The following BCL6 variants were observed in gnomAD, a reference collection of about 807,000 sequenced individuals.
The protein encoded by BCL6 is B-cell lymphoma 6 protein.
BCL6 carries 7 observed loss-of-function variants against 59.5 expected under a neutral mutation model. That is an observed-to-expected ratio of 0.12 (90% CI 0.07 to 0.22). BCL6 has a LOEUF of 0.22. BCL6 is among the 10% of genes least tolerant of loss of function. BCL6 has a pLI of 1.00. For missense variants in BCL6, 685 were observed against 939.4 expected (o/e 0.73, Z 3.54); for synonymous variants, 339 against 349.7 (o/e 0.97, Z 0.34).
In BCL6 at chr3:187,726,715, T is replaced by C; in HGVS notation, c.1708+16A>G. The stretch of plus-strand genomic sequence containing the variant: ...ATAATTGTGGAGAGTTCGGGTCGTG[T>C]GGGGCAGGGCCATACCGGTATGGAC... On this transcript the variant is annotated intron_variant, in intron 7 of 9. Coordinates refer to ENST00000406870, the MANE Select transcript of BCL6 (RefSeq NM_001706.5). 1 of 1,612,360 alleles carries C rather than the reference T, an allele frequency of 6.2e-7. No homozygotes were observed. Among genetic ancestry groups the C allele is most frequent in the South Asian group, 1.1e-5 (1 of 90,966 alleles).
chr3:187,721,781 A>C lies in BCL6; in HGVS notation c.*677T>G. 4.3e-6 allele frequency: 1 copy of C among 231,660 alleles called. No individual in the cohort carries two copies. The highest frequency in any genetic ancestry group is 8.6e-6 in the Non-Finnish European group (1 of 116,876). The allele number at this position is 231,660 out of a possible 1,614,324, so 14.4% of individuals were successfully genotyped here. ...CTTGCAAAAAAATACAAATACACTG[A>C]GGCATTTTAGACAAAATATTTTCTT... is the stretch of plus-strand genomic sequence containing the variant. On this transcript the variant is annotated 3_prime_UTR_variant, in exon 10 of 10. Transcript: ENST00000406870. This position sits in a 1 kb window ranked among gnomAD's most constrained non-coding sequence, Gnocchi z 4.2.
intron 1 of BCL6, among the ~76,000 whole-genome samples, chr3:187,741,686 C>T (rs1035561402): frequency 2.0e-5 from 3 of 152,192 alleles, no homozygotes; most frequent in South Asian, 4.1e-4. Context: ...TGCTGGAAAC[C>T]GGCACGCGCC....
In BCL6 at chr3:187,745,408, A is replaced by T. The variant is rs530655413; in HGVS notation, c.-50+2T>A. ...AGCGGCGGCAGCAACAGCAATAATC[A>T]CCTGGTGTCCGGCCTTTCCTAGAAA... On this transcript the variant is annotated splice_donor_variant, in intron 1 of 9. Coordinates refer to ENST00000406870, the MANE Select transcript of BCL6 (RefSeq NM_001706.5). LOFTEE classifies it low-confidence loss of function (5UTR_SPLICE). 2.5e-6 allele frequency: 1 copy of T among 400,574 alleles called. No homozygotes were observed. The highest frequency in any genetic ancestry group is 2.1e-5 in the African/African-American group (1 of 48,740). 24.8% of individuals were successfully genotyped at this position (400,574 alleles called of 1,614,324 possible). A position where few individuals can be genotyped will look rare whatever the true frequency, so the allele number is the denominator to read the frequency against.
At chr3:187,737,020 C>T (rs1719311161) in intron 1 of BCL6, 1 of 152,080 alleles carries the variant, frequency 6.6e-6, no homozygotes, top group South Asian at 2.1e-4. Context: ...TAGATTCAGC[C>T]ATTCCACCAA....
chr3:187,743,563 T>C (rs1214718451), intron 1 of BCL6, among the ~76,000 whole-genome samples: 1 of 152,262 alleles, frequency 6.6e-6, no homozygotes, highest in East Asian at 1.9e-4. Flanking sequence ...TGTGTTTTTG[T>C]TTTCCATGGG....
intron 4 of BCL6, 77 bp downstream of exon 4, chr3:187,731,632 A>T (rs1719046910): frequency 7.2e-7 from 1 of 1,398,304 alleles, no homozygotes; most frequent in Non-Finnish European, 1.0e-6. Flanking sequence ...TTTTTTCTGT[A>T]TGCATGAATT....
intron 6 of BCL6, 44 bp downstream of exon 6, chr3:187,728,316 G>T: frequency 6.6e-7 from 1 of 1,510,248 alleles, no homozygotes; most frequent in Non-Finnish European, 9.0e-7. Context: ...GAGCAGAGGG[G>T]CCTTCCTTCT....
intron 2 of BCL6, chr3:187,733,928 G>A: frequency 1.8e-6 from 1 of 548,826 alleles, no homozygotes; most frequent in South Asian, 2.0e-5. Context: ...AGCCCTTTAG[G>A]GGAAAAGCAA....
chr3:187,744,536 A>G (rs1309844419), intron 1 of BCL6, among the ~76,000 whole-genome samples: 3 of 152,324 alleles, frequency 2.0e-5, no homozygotes, highest in Admixed American at 6.5e-5. Context: ...CTGAAAGGAA[A>G]TAGTAGACAC....
Position 187,725,455 on chromosome 3 carries a change from C to T in BCL6, c.1839+44G>A, listed in dbSNP as rs750544229. 2 of 1,565,720 alleles carry T rather than the reference C, an allele frequency of 1.3e-6. No homozygotes were observed. Among genetic ancestry groups the T allele is most frequent in the Non-Finnish European group, 1.7e-6 (2 of 1,158,638 alleles). On this transcript the variant is annotated intron_variant, in intron 8 of 9. Transcript: ENST00000406870. This position sits in a 1 kb window ranked among gnomAD's most constrained non-coding sequence, Gnocchi z 4.7. ...GCCCACTCCTCCGCTCGCCTGCCCG[C>T]TCCGCTCGCCTGCCCGCTCCGCTCG... is the stretch of plus-strand genomic sequence containing the variant.
In BCL6 at chr3:187,722,316, A is replaced by ACCCCCCCC; in HGVS notation, c.*141_*142insGGGGGGGG. 2.3e-5 allele frequency: 2 copies of ACCCCCCCC among 87,996 alleles called. No individual in the cohort carries two copies. The highest frequency in any genetic ancestry group is 1.8e-4 in the East Asian group (1 of 5,548). The allele number at this position is 87,996 out of a possible 1,614,324, so 5.5% of individuals were successfully genotyped here. A position where few individuals can be genotyped will look rare whatever the true frequency, so the allele number is the denominator to read the frequency against. On this transcript the variant is annotated 3_prime_UTR_variant, in exon 10 of 10. Coordinates refer to ENST00000406870, the MANE Select transcript of BCL6 (RefSeq NM_001706.5). ...CCCAGTCCCCCAGGCCCCGACCCCCACCACCCCCAACCCCCAGCTATGATT... is the reference window on the plus strand; with the variant it reads ...CCCAGTCCCCCAGGCCCCGACCCCCACCCCCCCCCCACCCCCAACCCCCAGCTATGATT...
intron 5 of BCL6, 130 bp from the exon 6 acceptor site, chr3:187,728,674 G>A: frequency 1.1e-6 from 1 of 906,352 alleles, no homozygotes; most frequent in Non-Finnish European, 1.6e-6. Context: ...CCCCAGAGTT[G>A]TCCTCAAGTT....
In BCL6 at chr3:187,725,720, C is replaced by G. The variant is rs1230390579; in HGVS notation, c.1709-91G>C. On this transcript the variant is annotated intron_variant, in intron 7 of 9. Coordinates refer to ENST00000406870, the MANE Select transcript of BCL6 (RefSeq NM_001706.5). The surrounding 1 kb of genome is among the most constrained non-coding windows in gnomAD (Gnocchi z 4.7). ...CTCCTGGATTTCTAAGCAGCCTGCT[C>G]CTCCCTGAGGCCACTTGTGTTTTCC... is the stretch of plus-strand genomic sequence containing the variant. 7 of 1,511,100 alleles carry G rather than the reference C, an allele frequency of 4.6e-6. No homozygotes were observed. The highest frequency in any genetic ancestry group is 1.4e-5 in the African/African-American group (1 of 72,160). The allele number at this position is 1,511,100 out of a possible 1,614,324, so 93.6% of individuals were successfully genotyped here. A position where few individuals can be genotyped will look rare whatever the true frequency, so the allele number is the denominator to read the frequency against.
rs1025759911 is a variant in BCL6 at position 187,740,047 on chromosome 3, C to T, written c.-49-5140G>A. 3.9e-5 allele frequency among the ~76,000 whole-genome samples: 6 copies of T among 152,322 alleles called. No homozygotes were observed. In the South Asian group the frequency reaches 1.0e-3, roughly 26 times the overall value. ...CGCAGTGGGAGGGGCCGAACTCGATCCCCGCCGACCCGGGCGGGGGCGACG... is the reference window on the plus strand; with the variant it reads ...CGCAGTGGGAGGGGCCGAACTCGATTCCCGCCGACCCGGGCGGGGGCGACG... On this transcript the variant is annotated intron_variant, in intron 1 of 9. Transcript: ENST00000406870.
Position 187,731,739 on chromosome 3 carries a change from A to G in BCL6, c.353T>C (p.Val118Ala). ...CTTAATAAACTTCCGGCAAGTGTCC[A>G]CAACATGCTCCATCTGCAGGTACAT... ...TAMYLQMEHV[V>A]DTCRKFIKAS... The change falls in exon 4 of 10, where the codon GTG (valine) becomes GCG (alanine). Residue 118 changes from valine (V) to alanine (A), a missense_variant. By Grantham distance (64) the Val-to-Ala change is moderately conservative. Transcript: ENST00000406870. The G allele has an allele frequency of 6.2e-7, 1 of 1,614,176 alleles. No individual in the cohort carries two copies. The highest frequency in any genetic ancestry group is 8.5e-7 in the Non-Finnish European group (1 of 1,180,026).
At chr3:187,744,672 G>A (rs571792684) in intron 1 of BCL6, among the ~76,000 whole-genome samples, 2 of 152,250 alleles carry the variant, frequency 1.3e-5, no homozygotes, top group African/African-American at 2.4e-5. Flanking sequence ...GACCGAGGCC[G>A]ATGGAAGAGA....
At chr3:187,742,996 T>A (rs1711667585) in intron 1 of BCL6, among the ~76,000 whole-genome samples, 1 of 150,908 alleles carries the variant, frequency 6.6e-6, no homozygotes, top group African/African-American at 2.4e-5. Flanking sequence ...TAGATACCTG[T>A]CTCCTGATGG....
chr3:187,744,571 T>C (rs188624839), intron 1 of BCL6, among the ~76,000 whole-genome samples: 1 of 152,154 alleles, frequency 6.6e-6, no homozygotes, highest in East Asian at 1.9e-4. Context: ...TCTGGATTTA[T>C]GACCAAAAAA....
chr3:187,744,964 A>T (rs1711849261), intron 1 of BCL6, among the ~76,000 whole-genome samples: 3 of 152,114 alleles, frequency 2.0e-5, no homozygotes, highest in Admixed American at 1.3e-4. Flanking sequence ...CCCCCAGACT[A>T]GCCCGAATCA....
Sources: allele counts gnomAD v4.1 joint callset (sites outside exome capture counted in the v4.1 genomes callset), GRCh38; gene constraint gnomAD v4.1.1; non-coding constraint Gnocchi (gnomAD v3.1); transcripts MANE v1.5; gene names NCBI Gene and HGNC (gene_info 2026-07-23, HGNC 2026-07-21).